The following EYS variants were observed in gnomAD, a reference collection of about 807,000 sequenced individuals.
The protein encoded by EYS is protein eyes shut homolog.
A neutral mutation model predicts 282.1 loss-of-function variants in EYS; 250 were observed. That is an observed-to-expected ratio of 0.89 (90% CI 0.80 to 0.98). EYS has a LOEUF of 0.98. Ranked by LOEUF, EYS falls within the 50% of genes least tolerant of loss-of-function variation. EYS has a pLI of 0.00. For synonymous variants in EYS, 1,355 were observed against 1,282.9 expected (o/e 1.06, Z -1.20); for missense variants, 4,016 against 3,709.0 (o/e 1.08, Z -2.15).
At position 63,984,533 on chromosome 6, in the gene EYS, AC is replaced by A; in HGVS notation, c.6904del (p.Val2302PhefsTer9). On this transcript the variant is annotated frameshift_variant, in exon 35 of 43. Coordinates refer to ENST00000503581, the MANE Select transcript of EYS (RefSeq NM_001142800.2). LOFTEE classifies it high-confidence loss of function. Reference sequence around the variant, plus strand: ...TAGAATGCAGCCCCTGAACCCATAAACAGGACCTGCTTTCTTATGAATTTGA... The same window carrying A: ...TAGAATGCAGCCCCTGAACCCATAAAAGGACCTGCTTTCTTATGAATTTGA... ...NVQIHKKAGP[V>X]YGFRGCILDL... 6.5e-7 allele frequency: 1 copy of A among 1,549,678 alleles called. No homozygotes were observed. Among genetic ancestry groups the A allele is most frequent in the Non-Finnish European group, 8.7e-7 (1 of 1,145,560 alleles).
At chr6:64,869,663 T>C (rs1766530525) in intron 19 of EYS, among the ~76,000 whole-genome samples, 1 of 151,484 alleles carries the variant, frequency 6.6e-6, no homozygotes, top group Non-Finnish European at 1.5e-5. Flanking sequence ...TGTAGCATGT[T>C]TGAGAAATAA....
chr6:65,488,160 T>G (rs1765883439), intron 5 of EYS, among the ~76,000 whole-genome samples: 6 of 152,156 alleles, frequency 3.9e-5, no homozygotes, highest in Admixed American at 3.9e-4. Context: ...AAGTTTTTTA[T>G]GTCTCTATCT....
chr6:65,460,996 A>C lies in EYS; in HGVS notation c.862+29598T>G, dbSNP rs551497102. 3.9e-5 allele frequency among the ~76,000 whole-genome samples: 6 copies of C among 152,232 alleles called. No individual in the cohort carries two copies. The South Asian group carries it at 1.2e-3, about 32-fold the overall frequency. On this transcript the variant is annotated intron_variant, in intron 5 of 42. Transcript: ENST00000503581. Reference sequence around the variant, plus strand: ...TTCTATATCAAACATTAAAATAATAAATTACCAAAGATGTATTTTCCAAGT... The same window carrying C: ...TTCTATATCAAACATTAAAATAATACATTACCAAAGATGTATTTTCCAAGT...
chr6:64,199,750 G>A (rs183374598), intron 31 of EYS, among the ~76,000 whole-genome samples: 23 of 152,126 alleles, frequency 1.5e-4, no homozygotes, highest in Non-Finnish European at 3.2e-4. Flanking sequence ...ATCAAAAAAT[G>A]AGCAAAGGAT....
intron 41 of EYS, among the ~76,000 whole-genome samples, chr6:63,755,580 T>C (rs1056969370): frequency 5.3e-5 from 8 of 152,236 alleles, no homozygotes; most frequent in African/African-American, 1.9e-4. Context: ...TCCAGCTTTG[T>C]TCTTTTTGCT....
At chr6:64,832,630 C>T (rs1372173896) in intron 19 of EYS, among the ~76,000 whole-genome samples, 1 of 151,674 alleles carries the variant, frequency 6.6e-6, no homozygotes, top group Non-Finnish European at 1.5e-5. Flanking sequence ...AACACATACA[C>T]ACAAAAAAGA....
intron 35 of EYS, among the ~76,000 whole-genome samples, chr6:63,905,380 A>G (rs1423861370): frequency 2.3e-5 from 3 of 133,084 alleles, no homozygotes; most frequent in South Asian, 4.6e-4. Flanking sequence ...CCCAGGCTGG[A>G]GTGCGGTGGC....
chr6:64,232,646 C>A (rs987262088), intron 30 of EYS, among the ~76,000 whole-genome samples: 8 of 147,476 alleles, frequency 5.4e-5, no homozygotes, highest in Admixed American at 4.6e-4. Flanking sequence ...CAGCCTCGGC[C>A]CCCCCAGAGC....
At chr6:64,700,204 C>G (rs537309085) in intron 22 of EYS, among the ~76,000 whole-genome samples, 2 of 152,050 alleles carry the variant, frequency 1.3e-5, no homozygotes, top group South Asian at 4.1e-4. Context: ...CACAAACCCT[C>G]AACAAACCAG....
chr6:64,449,351 C>T (rs990532187), intron 26 of EYS, among the ~76,000 whole-genome samples: 1 of 152,040 alleles, frequency 6.6e-6, no homozygotes, highest in African/African-American at 2.4e-5. Context: ...ACATATGGGA[C>T]TACGTGAAAA....
intron 12 of EYS, among the ~76,000 whole-genome samples, chr6:65,262,961 T>C (rs1232662729): frequency 2.0e-5 from 3 of 152,196 alleles, no homozygotes; most frequent in Non-Finnish European, 4.4e-5. Flanking sequence ...AACTCGGGTC[T>C]GTTATGAAGT....
At chr6:65,010,617 G>A (rs1335632464) in intron 13 of EYS, among the ~76,000 whole-genome samples, 1 of 152,174 alleles carries the variant, frequency 6.6e-6, no homozygotes, top group Non-Finnish European at 1.5e-5. Flanking sequence ...TGAAAAGCGA[G>A]GTATGCAGTG....
chr6:64,460,003 G>A (rs1775691702), intron 26 of EYS, among the ~76,000 whole-genome samples: 1 of 150,320 alleles, frequency 6.7e-6, no homozygotes, highest in Non-Finnish European at 1.5e-5. Context: ...TTTCTGTTGT[G>A]CCAGGACTCT....
intron 35 of EYS, among the ~76,000 whole-genome samples, chr6:63,939,940 G>A (rs955408725): frequency 9.2e-5 from 14 of 152,306 alleles, no homozygotes; most frequent in African/African-American, 3.4e-4. Flanking sequence ...AGAACATACT[G>A]TACTACTGTA....
intron 33 of EYS, among the ~76,000 whole-genome samples, chr6:64,039,930 T>C (rs1484760469): frequency 6.6e-6 from 1 of 152,178 alleles, no homozygotes; most frequent in East Asian, 1.9e-4. Flanking sequence ...TTCTAAATCT[T>C]TGATTTCCAC....
Position 64,667,331 on chromosome 6 carries a change from T to C in EYS, c.3444-41086A>G, listed in dbSNP as rs560026328. On this transcript the variant is annotated intron_variant, in intron 22 of 42. Coordinates refer to ENST00000503581, the MANE Select transcript of EYS (RefSeq NM_001142800.2). ...AAATACATGGAGCCTTCCCCTGATG[T>C]CCTGATGGCAGAATCCCATTTTGTT... Among the ~76,000 whole-genome samples, 11 of 152,080 alleles carry C rather than the reference T, an allele frequency of 7.2e-5. 2 individuals carry two copies. Among genetic ancestry groups the C allele is most frequent in the African/African-American group, 2.6e-4 (11 of 41,522 alleles).
chr6:63,754,856 T>TTTTAAAAAGCA (rs1769437252), intron 41 of EYS, among the ~76,000 whole-genome samples: 1 of 152,172 alleles, frequency 6.6e-6, no homozygotes, highest in Non-Finnish European at 1.5e-5. Flanking sequence ...CACCTGTTGT[T>TTTTAAAAAGCA]TCCTGACTTT....
chr6:64,657,497 T>G (rs1015932523), intron 22 of EYS, among the ~76,000 whole-genome samples: 8 of 152,224 alleles, frequency 5.3e-5, no homozygotes, highest in Non-Finnish European at 4.4e-5. Flanking sequence ...TGGTACTGGT[T>G]GTTCCTTTCC....
At chr6:63,959,864 G>T (rs1017087153) in intron 35 of EYS, among the ~76,000 whole-genome samples, 1 of 151,994 alleles carries the variant, frequency 6.6e-6, no homozygotes, top group Non-Finnish European at 1.5e-5. Flanking sequence ...GTAGGGGAGT[G>T]GGGGGTAAGG....
Sources: gnomAD v4.1 joint callset for allele counts (sites outside exome capture counted in the v4.1 genomes callset) on GRCh38, gnomAD v4.1.1 for gene constraint, MANE v1.5 for transcripts, NCBI Gene and HGNC (gene_info 2026-07-23, HGNC 2026-07-21) for gene names.